Variants in ASPHD2 observed in about 807,000 individuals in gnomAD.
The protein encoded by ASPHD2 is aspartate beta-hydroxylase domain containing 2, also known as aspartate beta-hydroxylase domain-containing protein 2.
ASPHD2 carries 12 observed loss-of-function variants against 34.6 expected under a neutral mutation model. The observed-to-expected ratio is 0.35, with a 90% CI of 0.22 to 0.56. The LOEUF (loss-of-function observed/expected upper bound fraction) is 0.56. Ranked by LOEUF, ASPHD2 falls within the 20% of genes least tolerant of loss-of-function variation. ASPHD2 has a pLI of 0.87. For synonymous variants in ASPHD2, 224 were observed against 212.2 expected (o/e 1.06, Z -0.48); for missense variants, 375 against 505.0 (o/e 0.74, Z 2.47).
At chr22:26,435,742 AAAGAAAAG>A (rs2084788227) in intron 2 of ASPHD2, among the ~76,000 whole-genome samples, 1 of 151,254 alleles carries the variant, frequency 6.6e-6, no homozygotes, top group South Asian at 2.2e-4. Flanking sequence ...AAAGAAAAGA[AAAGAAAAG>A]AAAAGAAAAG....
rs2084893911 is a variant in ASPHD2, at chr22:26,444,561, C to CT, written c.*1355_*1356insT. On this transcript the variant is annotated 3_prime_UTR_variant, in exon 4 of 4. Coordinates refer to ENST00000215906, the MANE Select transcript of ASPHD2 (RefSeq NM_020437.5). Reference sequence around the variant, plus strand: ...TAGCCGGCCAGCCACACTAGAGATGCCTTTTCTGAATAATGTATTATGAGC... The same window carrying CT: ...TAGCCGGCCAGCCACACTAGAGATGCTCTTTTCTGAATAATGTATTATGAGC... 6.6e-6 allele frequency: 1 copy of CT among 152,198 alleles called. No homozygotes were observed. The highest frequency in any genetic ancestry group is 2.1e-4 in the South Asian group (1 of 4,828). The allele number at this position is 152,198 out of a possible 1,614,324, so 9.4% of individuals were successfully genotyped here. A position where few individuals can be genotyped will look rare whatever the true frequency, so the allele number is the denominator to read the frequency against.
Position 26,433,429 on chromosome 22 carries a change from A to T in ASPHD2, c.-187A>T, listed in dbSNP as rs757457899. On this transcript the variant is annotated 5_prime_UTR_variant, in exon 2 of 4. Transcript: ENST00000215906. This position sits in a 1 kb window ranked among gnomAD's most constrained non-coding sequence, Gnocchi z 5.1. ...TAAACAAATCCTTTCACAGGGACCG[A>T]CGGCACTTGATAATGTGACAAAAAC... 3.5e-6 allele frequency: 2 copies of T among 568,380 alleles called. No individual in the cohort carries two copies. The highest frequency in any genetic ancestry group is 6.2e-6 in the Non-Finnish European group (2 of 324,182). The allele number at this position is 568,380 out of a possible 1,614,324, so 35.2% of individuals were successfully genotyped here.
chr22:26,444,751 G>GGTGC lies in ASPHD2; in HGVS notation c.*1545_*1546insGTGC, dbSNP rs2084897827. ...AGGCAGGTACTAGCAAGTGTGCAAA[G>GGTGC]AGCACGTCTACATTTGAGTAAAATG... is the stretch of plus-strand genomic sequence containing the variant. On this transcript the variant is annotated 3_prime_UTR_variant, in exon 4 of 4. Transcript: ENST00000215906. The GGTGC allele has an allele frequency of 6.6e-6, 1 of 152,230 alleles. No individual in the cohort carries two copies. Among genetic ancestry groups the GGTGC allele is most frequent in the Non-Finnish European group, 1.5e-5 (1 of 68,048 alleles). 9.4% of individuals were successfully genotyped at this position (152,230 alleles called of 1,614,324 possible).
chr22:26,438,566 CACATACATATATAT>C (rs71192924), intron 2 of ASPHD2, among the ~76,000 whole-genome samples: 4 of 83,302 alleles, frequency 4.8e-5, no homozygotes, highest in Admixed American at 2.4e-4. Flanking sequence ...TACATATATA[CACATACATATATAT>C]ACATACATAT....
At chr22:26,442,260 T>C (rs893758987) in intron 2 of ASPHD2, among the ~76,000 whole-genome samples, 199 bp from the exon 3 acceptor site, 1 of 152,164 alleles carries the variant, frequency 6.6e-6, no homozygotes, top group African/African-American at 2.4e-5. Context: ...CACCATCACC[T>C]TGGGGTCAGG....
At chr22:26,442,325 CG>C in intron 2 of ASPHD2, 133 bp from the exon 3 acceptor site, 1 of 645,344 alleles carries the variant, frequency 1.5e-6, no homozygotes, top group Non-Finnish European at 2.7e-6. Context: ...GACCATAGCA[CG>C]GGCTCCAGAG....
At chr22:26,440,856 A>T (rs2084831746) in intron 2 of ASPHD2, among the ~76,000 whole-genome samples, 1 of 152,240 alleles carries the variant, frequency 6.6e-6, no homozygotes. Context: ...AGACTACAGT[A>T]AACACAGTTA....
chr22:26,434,371 C>T lies in ASPHD2; in HGVS notation c.756C>T (p.Arg252=). Reference sequence around the variant, plus strand: ...GTAGGAAGTGCCCACGGACGTACCGCTTGCTCGGAAGCCTTCGGACCTGTA... The same window carrying T: ...GTAGGAAGTGCCCACGGACGTACCGTTTGCTCGGAAGCCTTCGGACCTGTA... ...RNCRKCPRTY[R]LLGSLRTCIG... Residue 252 remains arginine (R), a synonymous_variant, in exon 2 of 4, where the codon CGC becomes CGT. Transcript: ENST00000215906. The T allele has an allele frequency of 6.2e-7, 1 of 1,614,232 alleles. No individual in the cohort carries two copies. The highest frequency in any genetic ancestry group is 1.1e-5 in the South Asian group (1 of 91,088).
chr22:26,438,618 T>TAC lies in ASPHD2; in HGVS notation c.887-3835_887-3834dup, dbSNP rs1340379699. 9.3e-3 allele frequency among the ~76,000 whole-genome samples: 473 copies of TAC among 50,974 alleles called. 3 individuals are homozygous for TAC. Among genetic ancestry groups the TAC allele is most frequent in the Non-Finnish European group, 0.017 (350 of 21,164 alleles). 33.4% of individuals were successfully genotyped at this position (50,974 alleles called of 152,430 possible). ...ATACACACATATATACATATATATA[T>TAC]ACACACATATATATACATATATATA... On this transcript the variant is annotated intron_variant, in intron 2 of 3. Coordinates refer to ENST00000215906, the MANE Select transcript of ASPHD2 (RefSeq NM_020437.5).
chr22:26,433,346 C>T lies in ASPHD2; in HGVS notation c.-224-46C>T. 1.9e-6 allele frequency: 1 copy of T among 513,124 alleles called. No individual in the cohort carries two copies. The highest frequency in any genetic ancestry group is 3.4e-6 in the Non-Finnish European group (1 of 290,370). 31.8% of individuals were successfully genotyped at this position (513,124 alleles called of 1,614,324 possible). A position where few individuals can be genotyped will look rare whatever the true frequency, so the allele number is the denominator to read the frequency against. ...TAACACTTTACATTTCAGTTGAGGA[C>T]TTTTCCAGGTGTAAAATTTATGCTG... On this transcript the variant is annotated intron_variant, in intron 1 of 3. Transcript: ENST00000215906. This position sits in a 1 kb window ranked among gnomAD's most constrained non-coding sequence, Gnocchi z 5.1.
intron 2 of ASPHD2, among the ~76,000 whole-genome samples, chr22:26,436,842 ATGTGTGTGTG>A (rs4049320): frequency 6.7e-6 from 1 of 148,784 alleles, no homozygotes; most frequent in East Asian, 2.0e-4. Flanking sequence ...ATATGCATGC[ATGTGTGTGTG>A]TGTGTGTGTG....
At position 26,442,970 on chromosome 22, in the gene ASPHD2, C is replaced by T. The variant is rs900309247; in HGVS notation, c.1001-127C>T. On this transcript the variant is annotated intron_variant, in intron 3 of 3. Transcript: ENST00000215906. ...TCAGTGAGAGAGGAGGTGGTCCGAT[C>T]CGAGCCGAGGGACAGGATGGGGTCC... The T allele has an allele frequency of 6.9e-6, 5 of 726,154 alleles. No homozygotes were observed. In the African/African-American group the frequency reaches 8.7e-5, roughly 13 times the overall value. The allele number at this position is 726,154 out of a possible 1,614,324, so 45.0% of individuals were successfully genotyped here. A position where few individuals can be genotyped will look rare whatever the true frequency, so the allele number is the denominator to read the frequency against.
In ASPHD2 at chr22:26,433,386, T is replaced by A. The variant is rs531492458; in HGVS notation, c.-224-6T>A. On this transcript the variant is annotated splice_polypyrimidine_tract_variant and splice_region_variant and intron_variant, in intron 1 of 3. Coordinates refer to ENST00000215906, the MANE Select transcript of ASPHD2 (RefSeq NM_020437.5). The surrounding 1 kb of genome is among the most constrained non-coding windows in gnomAD (Gnocchi z 5.1). ...AATTTATGCTGATTTTTTTTTTCCA[T>A]CCCAGGTTTGGTTTTCCTAAACAAA... 2 of 541,620 alleles carry A rather than the reference T, an allele frequency of 3.7e-6. No individual in the cohort carries two copies. Among genetic ancestry groups the A allele is most frequent in the Admixed American group, 3.6e-5 (1 of 27,802 alleles). The allele number at this position is 541,620 out of a possible 1,614,324, so 33.6% of individuals were successfully genotyped here. A position where few individuals can be genotyped will look rare whatever the true frequency, so the allele number is the denominator to read the frequency against.
At chr22:26,438,502 C>T (rs1295755901) in intron 2 of ASPHD2, among the ~76,000 whole-genome samples, 4 of 111,900 alleles carry the variant, frequency 3.6e-5, no homozygotes, top group African/African-American at 6.3e-5. Flanking sequence ...TACACACATA[C>T]ATATATATAC....
At chr22:26,440,477 G>A (rs751034360) in intron 2 of ASPHD2, among the ~76,000 whole-genome samples, 4 of 152,052 alleles carry the variant, frequency 2.6e-5, no homozygotes, top group East Asian at 1.9e-4. Flanking sequence ...GATTACAGGC[G>A]TCTGCCACCA....
chr22:26,436,926 C>T (rs1212005247), intron 2 of ASPHD2, among the ~76,000 whole-genome samples: 1 of 152,118 alleles, frequency 6.6e-6, no homozygotes. Flanking sequence ...TTTCTCAGCC[C>T]AGCTAGGTAC....
intron 1 of ASPHD2, among the ~76,000 whole-genome samples, chr22:26,431,735 C>T (rs2084757586): frequency 6.6e-6 from 1 of 152,208 alleles, no homozygotes; most frequent in Admixed American, 6.5e-5. Context: ...ATACCTTTCT[C>T]TCGTGCCCCA....
chr22:26,438,259 G>A (rs927705826), intron 2 of ASPHD2, among the ~76,000 whole-genome samples: 4 of 152,100 alleles, frequency 2.6e-5, no homozygotes, highest in Non-Finnish European at 5.9e-5. Flanking sequence ...CCATCTGGGC[G>A]TCTTTACAGC....
Position 26,444,100 on chromosome 22 carries a change from T to G in ASPHD2, c.*894T>G, listed in dbSNP as rs1288899553. ...TGAACGTTAAGGCCACCAGGTTGGC[T>G]GATAGGAGCTGTAGGGGGATAGGAC... On this transcript the variant is annotated 3_prime_UTR_variant, in exon 4 of 4. Coordinates refer to ENST00000215906, the MANE Select transcript of ASPHD2 (RefSeq NM_020437.5). The G allele has an allele frequency of 2.0e-5, 3 of 152,192 alleles. No individual in the cohort carries two copies. Among genetic ancestry groups the G allele is most frequent in the African/African-American group, 7.2e-5 (3 of 41,448 alleles). The allele number at this position is 152,192 out of a possible 1,614,324, so 9.4% of individuals were successfully genotyped here.
Sources: allele counts gnomAD v4.1 joint callset (sites outside exome capture counted in the v4.1 genomes callset), GRCh38; gene constraint gnomAD v4.1.1; non-coding constraint Gnocchi (gnomAD v3.1); transcripts MANE v1.5; gene names NCBI Gene and HGNC (gene_info 2026-07-23, HGNC 2026-07-21).